Variants in PACSIN2 observed in about 807,000 individuals in gnomAD.
The protein encoded by PACSIN2 is protein kinase C and casein kinase substrate in neurons 2.
PACSIN2 carries 25 observed loss-of-function variants against 63.8 expected under a neutral mutation model. That is an observed-to-expected ratio of 0.39 (90% CI 0.29 to 0.55). The LOEUF (loss-of-function observed/expected upper bound fraction) is 0.55. Ranked by LOEUF, PACSIN2 falls within the 20% of genes least tolerant of loss-of-function variation. The pLI, the probability that PACSIN2 is intolerant of heterozygous loss-of-function variation, is 0.62. For missense variants in PACSIN2, 518 were observed against 646.9 expected (o/e 0.80, Z 2.16); for synonymous variants, 255 against 256.2 (o/e 1.00, Z 0.05).
chr22:42,939,053 C>G (rs1601550363), intron 1 of PACSIN2, among the ~76,000 whole-genome samples: 1 of 152,186 alleles, frequency 6.6e-6, no homozygotes. Context: ...GAATCAGCAG[C>G]AAAGGTAGGA....
chr22:42,927,599 A>G, intron 1 of PACSIN2, among the ~76,000 whole-genome samples: 1 of 150,470 alleles, frequency 6.6e-6, no homozygotes, highest in East Asian at 2.0e-4. Flanking sequence ...TTAGTTAGTT[A>G]TTTTTGAGAC....
At chr22:42,972,814 A>G (rs2146871214) in intron 1 of PACSIN2, among the ~76,000 whole-genome samples, 1 of 152,206 alleles carries the variant, frequency 6.6e-6, no homozygotes, top group East Asian at 1.9e-4. Context: ...TTCCCGCCTC[A>G]GCCTCCTGTG....
chr22:42,981,506 C>A (rs1213669683), intron 1 of PACSIN2, among the ~76,000 whole-genome samples: 4 of 67,672 alleles, frequency 5.9e-5, no homozygotes, highest in Non-Finnish European at 8.1e-5. Flanking sequence ...CCAGCCGCCC[C>A]GTCCGGGAGG....
At chr22:42,877,131 G>A (rs899905233) in intron 8 of PACSIN2, 121 bp from the exon 9 acceptor site, 29 of 1,064,304 alleles carry the variant, frequency 2.7e-5, no homozygotes, top group Middle Eastern at 2.8e-4. Flanking sequence ...GGAGGGGACC[G>A]TGGTGTTTCA....
At chr22:42,893,837 G>A (rs1309858881) in intron 2 of PACSIN2, among the ~76,000 whole-genome samples, 1 of 152,134 alleles carries the variant, frequency 6.6e-6, no homozygotes, top group Non-Finnish European at 1.5e-5. Context: ...GCTTCTCAAT[G>A]TTCTTTAGGT....
chr22:42,931,141 C>T (rs1012873747), intron 1 of PACSIN2, among the ~76,000 whole-genome samples: 2 of 152,274 alleles, frequency 1.3e-5, no homozygotes, highest in Non-Finnish European at 2.9e-5. Context: ...AGACACCTAA[C>T]TCACACCTGC....
chr22:42,898,188 C>A (rs891629357), intron 2 of PACSIN2, among the ~76,000 whole-genome samples: 4 of 152,268 alleles, frequency 2.6e-5, no homozygotes, highest in Middle Eastern at 3.4e-3. Flanking sequence ...TCGTGGGAAT[C>A]CCTGGCTCCC....
chr22:42,942,717 A>G (rs1315580475), intron 1 of PACSIN2, among the ~76,000 whole-genome samples: 1 of 152,206 alleles, frequency 6.6e-6, no homozygotes, highest in Non-Finnish European at 1.5e-5. Flanking sequence ...TCAACTGACC[A>G]TAAATGTAGG....
chr22:43,004,935 C>T (rs1195270675), intron 1 of PACSIN2, among the ~76,000 whole-genome samples: 1 of 152,204 alleles, frequency 6.6e-6, no homozygotes, highest in Non-Finnish European at 1.5e-5. Context: ...AACAAATCAA[C>T]AAGGCTGTCC....
At chr22:43,000,831 C>T (rs1923719189) in intron 1 of PACSIN2, among the ~76,000 whole-genome samples, 1 of 152,242 alleles carries the variant, frequency 6.6e-6, no homozygotes, top group African/African-American at 2.4e-5. Context: ...AGGAGACATA[C>T]TGTGTGGCAC....
intron 1 of PACSIN2, among the ~76,000 whole-genome samples, chr22:42,960,692 C>T (rs919359777): frequency 2.0e-5 from 3 of 152,096 alleles, no homozygotes; most frequent in Non-Finnish European, 4.4e-5. Flanking sequence ...CCTTCGAAGC[C>T]GGGACAGGGA....
At chr22:42,876,727 C>T (rs988356067) in intron 9 of PACSIN2, among the ~76,000 whole-genome samples, 161 bp downstream of exon 9, 2 of 152,210 alleles carry the variant, frequency 1.3e-5, no homozygotes, top group Non-Finnish European at 2.9e-5. Context: ...AGAGCCTGTG[C>T]CAGAGAGCAG....
chr22:42,966,173 C>T (rs1424736112), intron 1 of PACSIN2, among the ~76,000 whole-genome samples: 2 of 152,000 alleles, frequency 1.3e-5, no homozygotes, highest in Non-Finnish European at 2.9e-5. Flanking sequence ...AGATCGAGAC[C>T]ATCTTGGCCA....
chr22:42,909,562 C>T, intron 2 of PACSIN2: 1 of 471,142 alleles, frequency 2.1e-6, no homozygotes, highest in South Asian at 1.5e-5. Flanking sequence ...GGAGTTGATA[C>T]CAGCTGGAGA....
At chr22:42,964,539 C>CT (rs1341858202) in intron 1 of PACSIN2, among the ~76,000 whole-genome samples, 3 of 151,928 alleles carry the variant, frequency 2.0e-5, no homozygotes, top group African/African-American at 7.3e-5. Flanking sequence ...CAGGCTAAAA[C>CT]TAACAGCTGA....
chr22:42,938,194 A>G (rs2146795036), intron 1 of PACSIN2, among the ~76,000 whole-genome samples: 1 of 152,344 alleles, frequency 6.6e-6, no homozygotes, highest in South Asian at 2.1e-4. Flanking sequence ...CTGGAGATCC[A>G]GTTTCCAAGT....
intron 2 of PACSIN2, among the ~76,000 whole-genome samples, chr22:42,901,411 G>A (rs184590354): frequency 6.6e-6 from 1 of 152,148 alleles, no homozygotes; most frequent in Non-Finnish European, 1.5e-5. Flanking sequence ...AAATGCTTTC[G>A]ATAACTTGTT....
chr22:42,871,350 C>CT lies in PACSIN2; in HGVS notation c.*6_*7insA. ...CTCCGTCCCCCCGCTGGCCTGTCCC[C>CT]GACTCATCACTGGATCGCCTCCACA... is the stretch of plus-strand genomic sequence containing the variant. On this transcript the variant is annotated 3_prime_UTR_variant, in exon 11 of 11. Transcript: ENST00000263246. This position sits in a 1 kb window ranked among gnomAD's most constrained non-coding sequence, Gnocchi z 5.4. 6.3e-7 allele frequency: 1 copy of CT among 1,598,512 alleles called. No homozygotes were observed. Among genetic ancestry groups the CT allele is most frequent in the East Asian group, 2.2e-5 (1 of 44,792 alleles).
chr22:42,927,160 T>C (rs533805314), intron 1 of PACSIN2, among the ~76,000 whole-genome samples: 11 of 152,300 alleles, frequency 7.2e-5, no homozygotes, highest in African/African-American at 2.6e-4. Flanking sequence ...CTGACTTCAC[T>C]GTCCTTGCAG....
Sources: allele counts gnomAD v4.1 joint callset (sites outside exome capture counted in the v4.1 genomes callset), GRCh38; gene constraint gnomAD v4.1.1; non-coding constraint Gnocchi (gnomAD v3.1); transcripts MANE v1.5; gene names NCBI Gene and HGNC (gene_info 2026-07-23, HGNC 2026-07-21).